Variants in TMEM132B observed in about 807,000 individuals in gnomAD.
TMEM132B encodes transmembrane protein 132B.
In TMEM132B, 18 loss-of-function variants were observed where a neutral mutation model predicts 90.8. The observed-to-expected ratio is 0.20, with a 90% CI of 0.14 to 0.29. TMEM132B has a LOEUF of 0.29. TMEM132B is among the 10% of genes least tolerant of loss of function. The probability of loss-of-function intolerance (pLI) is 1.00; values close to 1 mark genes in which losing one functional copy is unlikely to be tolerated. For synonymous variants in TMEM132B, 504 were observed against 523.3 expected, an observed-to-expected ratio of 0.96 and a Z score of 0.50; for missense variants, 1,096 against 1,326.8, an observed-to-expected ratio of 0.83 and a Z score of 2.70.
At chr12:125,281,688 G>T (rs1453306038) in intron 1 of TMEM132B, among the ~76,000 whole-genome samples, 1 of 152,084 alleles carries the variant, frequency 6.6e-6, no homozygotes, top group Non-Finnish European at 1.5e-5. Context: ...TTCATCTCAG[G>T]TGCAAACTCT....
chr12:125,385,803 A>G (rs1305944120), intron 2 of TMEM132B, among the ~76,000 whole-genome samples: 1 of 152,164 alleles, frequency 6.6e-6, no homozygotes, highest in Non-Finnish European at 1.5e-5. Context: ...ATATTCATTA[A>G]TTTATTAGTT....
rs975324493 is a variant in TMEM132B, at chr12:125,660,207, C to A, written c.*5497C>A. 6.6e-6 allele frequency: 1 copy of A among 152,214 alleles called. No individual in the cohort carries two copies. The highest frequency in any genetic ancestry group is 2.4e-5 in the African/African-American group (1 of 41,442). 9.4% of individuals were successfully genotyped at this position (152,214 alleles called of 1,614,324 possible). On this transcript the variant is annotated 3_prime_UTR_variant, in exon 9 of 9. Transcript: ENST00000682704. Reference sequence around the variant, plus strand: ...AAGGTTGTAGTGAGCCAAGATCGTACCACTGCACTCTGGCCTGGGCAACAA... The same window carrying A: ...AAGGTTGTAGTGAGCCAAGATCGTAACACTGCACTCTGGCCTGGGCAACAA...
chr12:125,369,232 T>C (rs543718815), intron 2 of TMEM132B, among the ~76,000 whole-genome samples: 2 of 152,360 alleles, frequency 1.3e-5, no homozygotes, highest in South Asian at 4.1e-4. Flanking sequence ...TAGTATTCCA[T>C]GGTGTACATG....
chr12:125,552,202 G>A (rs1269711527), intron 4 of TMEM132B, among the ~76,000 whole-genome samples: 6 of 152,234 alleles, frequency 3.9e-5, no homozygotes, highest in Non-Finnish European at 2.9e-5. Flanking sequence ...CCCTGTATTT[G>A]TAGCTGGCTC....
chr12:125,597,722 C>G (rs1004177941), intron 5 of TMEM132B, among the ~76,000 whole-genome samples: 10 of 152,172 alleles, frequency 6.6e-5, no homozygotes, highest in African/African-American at 2.2e-4. Context: ...TGTCCAGTGC[C>G]TGCCGGGTGC....
At chr12:125,311,290 G>A (rs995215616) in intron 1 of TMEM132B, among the ~76,000 whole-genome samples, 1 of 152,180 alleles carries the variant, frequency 6.6e-6, no homozygotes, top group African/African-American at 2.4e-5. Context: ...TGGGTTATGA[G>A]GGGAGGCAGG....
At chr12:125,302,092 C>T (rs1195621785) in intron 1 of TMEM132B, among the ~76,000 whole-genome samples, 4 of 151,954 alleles carry the variant, frequency 2.6e-5, no homozygotes, top group African/African-American at 9.7e-5. Context: ...CCCAGCTACT[C>T]AGGAGGCTGA....
At chr12:125,276,554 C>A (rs1156275602) in intron 1 of TMEM132B, among the ~76,000 whole-genome samples, 1 of 152,210 alleles carries the variant, frequency 6.6e-6, no homozygotes, top group Non-Finnish European at 1.5e-5. Flanking sequence ...TCCGTCAAGG[C>A]TGAATGGCTG....
intron 1 of TMEM132B, among the ~76,000 whole-genome samples, chr12:125,339,730 C>T (rs1468381621): frequency 6.6e-6 from 1 of 152,190 alleles, no homozygotes; most frequent in African/African-American, 2.4e-5. Flanking sequence ...AGCAAAGTTA[C>T]ACGCTGAGAA....
chr12:125,374,783 G>T (rs1391967515), intron 2 of TMEM132B, among the ~76,000 whole-genome samples: 2 of 152,024 alleles, frequency 1.3e-5, no homozygotes, highest in African/African-American at 4.8e-5. Flanking sequence ...ATAGAAAAAA[G>T]AGATCATCTG....
intron 3 of TMEM132B, among the ~76,000 whole-genome samples, chr12:125,494,577 C>T (rs1425658398): frequency 5.1e-5 from 6 of 116,958 alleles, no homozygotes; most frequent in East Asian, 3.1e-4. Context: ...GAAATGGATG[C>T]GTCCCTCCTC....
intron 1 of TMEM132B, among the ~76,000 whole-genome samples, chr12:125,324,994 C>T (rs1288220937): frequency 6.6e-6 from 1 of 152,236 alleles, no homozygotes; most frequent in Admixed American, 6.5e-5. Flanking sequence ...TTGGTGTAGA[C>T]AGTGGTTACC....
At chr12:125,348,873 T>C (rs547582551) in intron 1 of TMEM132B, among the ~76,000 whole-genome samples, 84 of 152,314 alleles carry the variant, frequency 5.5e-4, no homozygotes, top group African/African-American at 1.9e-3. Flanking sequence ...TCCTTGTAGA[T>C]AGATAAGCCT....
intron 4 of TMEM132B, among the ~76,000 whole-genome samples, chr12:125,541,847 G>A (rs12819764): frequency 0.073 from 10,987 of 151,274 alleles, 534 homozygotes; most frequent in South Asian, 0.15. Flanking sequence ...GTGAAACCCC[G>A]TCTCTACTAA....
At chr12:125,631,849 C>G (rs1015807662) in intron 5 of TMEM132B, among the ~76,000 whole-genome samples, 1 of 152,024 alleles carries the variant, frequency 6.6e-6, no homozygotes, top group African/African-American at 2.4e-5. Flanking sequence ...CTTTTTCCAT[C>G]CGTTTATTTT....
At chr12:125,189,995 C>T (rs1328662201) in intron 1 of TMEM132B, among the ~76,000 whole-genome samples, 1 of 152,128 alleles carries the variant, frequency 6.6e-6, no homozygotes, top group Non-Finnish European at 1.5e-5. Context: ...GATGGAGGCA[C>T]CCTGGTACCG....
At chr12:125,247,816 G>A (rs1263420795) in intron 1 of TMEM132B, among the ~76,000 whole-genome samples, 4 of 152,154 alleles carry the variant, frequency 2.6e-5, no homozygotes, top group Non-Finnish European at 5.9e-5. Flanking sequence ...GTGTGGGAAC[G>A]TGCCGCCCCC....
chr12:125,197,246 T>C (rs1252276588), intron 1 of TMEM132B, among the ~76,000 whole-genome samples: 1 of 152,192 alleles, frequency 6.6e-6, no homozygotes, highest in Non-Finnish European at 1.5e-5. Context: ...ATTCTTCCTC[T>C]GTTCATGATG....
intron 1 of TMEM132B, among the ~76,000 whole-genome samples, chr12:125,321,111 G>A (rs1404534143): frequency 6.6e-6 from 1 of 152,226 alleles, no homozygotes; most frequent in African/African-American, 2.4e-5. Context: ...ATTAGGAACT[G>A]AGAGTTCTGG....
Sources: allele counts gnomAD v4.1 joint callset (sites outside exome capture counted in the v4.1 genomes callset), GRCh38; gene constraint gnomAD v4.1.1; transcripts MANE v1.5; gene names NCBI Gene and HGNC (gene_info 2026-07-23, HGNC 2026-07-21).